Variants in KYNU observed in about 807,000 individuals in gnomAD.
KYNU encodes kynureninase.
A neutral mutation model predicts 59.2 loss-of-function variants in KYNU; 54 were observed. The observed-to-expected ratio is 0.91, with a 90% CI of 0.73 to 1.14. The LOEUF (loss-of-function observed/expected upper bound fraction) is 1.14. Among genes scored for constraint, KYNU ranks in the 50% most tolerant of loss-of-function variants. KYNU has a pLI of 0.00. For synonymous variants in KYNU, 177 were observed against 192.0 expected, an observed-to-expected ratio of 0.92 and a Z score of 0.65; for missense variants, 567 against 554.4, an observed-to-expected ratio of 1.02 and a Z score of -0.23.
chr2:142,888,577 A>G (rs1268744824), intron 2 of KYNU, among the ~76,000 whole-genome samples: 1 of 152,152 alleles, frequency 6.6e-6, no homozygotes, highest in Non-Finnish European at 1.5e-5. Flanking sequence ...GAGGTTCACT[A>G]GAGATCTTAT....
At chr2:143,003,538 C>T (rs551896956) in intron 10 of KYNU, among the ~76,000 whole-genome samples, 5 of 152,266 alleles carry the variant, frequency 3.3e-5, no homozygotes, top group South Asian at 2.1e-4. Flanking sequence ...GCTGAGATCA[C>T]GCCACTGCAC....
chr2:142,937,956 C>A (rs760468676), intron 4 of KYNU, among the ~76,000 whole-genome samples: 1 of 152,170 alleles, frequency 6.6e-6, no homozygotes, highest in East Asian at 1.9e-4. Context: ...GTAACTATCA[C>A]CATCATAAAT....
intron 10 of KYNU, among the ~76,000 whole-genome samples, chr2:143,006,364 G>A (rs1241865350): frequency 2.0e-5 from 3 of 151,808 alleles, no homozygotes; most frequent in Non-Finnish European, 2.9e-5. Flanking sequence ...AAAAAACGGC[G>A]CACCACGAGA....
chr2:142,907,263 G>A (rs1356790603), intron 2 of KYNU, among the ~76,000 whole-genome samples: 1 of 152,202 alleles, frequency 6.6e-6, no homozygotes, highest in East Asian at 1.9e-4. Flanking sequence ...TCCAAGGAAT[G>A]GAAACTTGGG....
At chr2:143,033,191 T>C (rs1304789671) in intron 11 of KYNU, 45 bp from the exon 12 acceptor site, 2 of 1,367,092 alleles carry the variant, frequency 1.5e-6, no homozygotes, top group Non-Finnish European at 2.1e-6. Flanking sequence ...TATGGACACT[T>C]TTAAAGTTAC....
chr2:142,932,551 T>G (rs1015069814), intron 4 of KYNU, among the ~76,000 whole-genome samples: 1 of 152,200 alleles, frequency 6.6e-6, no homozygotes, highest in Admixed American at 6.5e-5. Flanking sequence ...GAGCCATTTA[T>G]GACAGGAGTG....
At chr2:142,988,940 G>T in intron 10 of KYNU, 1 of 1,482,530 alleles carries the variant, frequency 6.7e-7, no homozygotes, top group Non-Finnish European at 9.4e-7. Flanking sequence ...TCCCTGATAG[G>T]AAAAGAAATG....
intron 10 of KYNU, among the ~76,000 whole-genome samples, chr2:143,006,336 C>T (rs911069905): frequency 7.2e-5 from 11 of 151,856 alleles, no homozygotes; most frequent in East Asian, 1.9e-4. Flanking sequence ...CCGAATACTG[C>T]GCTTTTCTGA....
intron 10 of KYNU, among the ~76,000 whole-genome samples, chr2:143,017,635 A>G (rs1319411657): frequency 6.6e-6 from 1 of 151,422 alleles, no homozygotes; most frequent in East Asian, 1.9e-4. Flanking sequence ...ACATGGTTTC[A>G]CCATGTTGGC....
In KYNU at chr2:142,927,734, C is replaced by A; in HGVS notation, c.366C>A (p.Asp122Glu). Reference protein sequence around the residue: ...GDESIVGLMKDIVGANEKEIA... With the variant: ...GDESIVGLMKEIVGANEKEIA... ...AGAGTATTGTAGGCCTTATGAAGGA[C>A]ATTGTAGGTAAGTACAAAACACTGA... Residue 122 changes from aspartate to glutamate, a missense_variant, in exon 4 of 14, where the codon GAC (aspartate) becomes GAA (glutamate). Coordinates refer to ENST00000264170, the MANE Select transcript of KYNU (RefSeq NM_003937.3). 1 of 1,607,366 alleles carries A rather than the reference C, an allele frequency of 6.2e-7. No individual in the cohort carries two copies. Among genetic ancestry groups the A allele is most frequent in the East Asian group, 2.2e-5 (1 of 44,748 alleles).
At chr2:143,032,127 A>T (rs1473130209) in intron 11 of KYNU, among the ~76,000 whole-genome samples, 2 of 151,942 alleles carry the variant, frequency 1.3e-5, no homozygotes. Context: ...AATACAAAAA[A>T]ATTAGCTGGG....
At chr2:142,910,548 C>CAGCTTGGGGGGT (rs1682448985) in intron 2 of KYNU, among the ~76,000 whole-genome samples, 2 of 152,052 alleles carry the variant, frequency 1.3e-5, no homozygotes, top group African/African-American at 4.8e-5. Context: ...CTGATAGTTT[C>CAGCTTGGGGGGT]TTTTGCTGTG....
rs1684219717 is a variant in KYNU at position 142,957,791 on chromosome 2, A to G, written c.582+76A>G. ...TTTTCTTCATTTTCCTCAAAAGTTT[A>G]TTAAAATCTTCATTACTTTAATGGA... On this transcript the variant is annotated intron_variant, in intron 7 of 13. Transcript: ENST00000264170. 3.2e-6 allele frequency: 3 copies of G among 927,134 alleles called. No homozygotes were observed. The Admixed American group carries it at 5.5e-5, about 17-fold the overall frequency. 57.4% of individuals were successfully genotyped at this position (927,134 alleles called of 1,614,324 possible).
At chr2:142,995,792 G>A (rs555812978) in intron 10 of KYNU, among the ~76,000 whole-genome samples, 7 of 152,040 alleles carry the variant, frequency 4.6e-5, no homozygotes, top group East Asian at 1.9e-4. Context: ...TTTTCCTACC[G>A]CTATGCTGAT....
At chr2:143,038,237 T>C (rs1225585844) in intron 12 of KYNU, among the ~76,000 whole-genome samples, 1 of 152,180 alleles carries the variant, frequency 6.6e-6, no homozygotes, top group Non-Finnish European at 1.5e-5. Flanking sequence ...AATTATTTAT[T>C]ATTTAGAATT....
rs779376309 is a variant in KYNU at position 142,927,686 on chromosome 2, G to A, written c.318G>A (p.Lys106=). 6.2e-6 allele frequency: 10 copies of A among 1,613,310 alleles called. No homozygotes were observed. In the East Asian group the frequency reaches 2.2e-4, roughly 36 times the overall value. Residue 106 remains lysine, a synonymous_variant, in exon 4 of 14, where the codon AAG becomes AAA. Transcript: ENST00000264170. ...CAGCCTATGGTCATGAAGTGGGGAA[G>A]CGTCCTTGGATTACAGGAGATGAGA... ...KIAAYGHEVG[K]RPWITGDESI... is the part of the protein sequence containing the mutation.
At chr2:142,932,447 C>T (rs1382534743) in intron 4 of KYNU, among the ~76,000 whole-genome samples, 8 of 151,876 alleles carry the variant, frequency 5.3e-5, no homozygotes, top group Admixed American at 2.6e-4. Flanking sequence ...CATTTCCAGC[C>T]GATATGTGAT....
chr2:142,980,400 G>A (rs1472869487), intron 8 of KYNU, among the ~76,000 whole-genome samples: 1 of 152,006 alleles, frequency 6.6e-6, no homozygotes, highest in Non-Finnish European at 1.5e-5. Context: ...ATCTCATCCT[G>A]TGACTTAGAA....
chr2:142,952,469 G>T (rs915937049), intron 4 of KYNU, among the ~76,000 whole-genome samples: 25 of 151,874 alleles, frequency 1.6e-4, no homozygotes, highest in African/African-American at 5.3e-4. Context: ...TTAGATGCAG[G>T]TTCCACTCTG....
Sources: gnomAD v4.1 joint callset for allele counts (sites outside exome capture counted in the v4.1 genomes callset) on GRCh38, gnomAD v4.1.1 for gene constraint, MANE v1.5 for transcripts, NCBI Gene and HGNC (gene_info 2026-07-23, HGNC 2026-07-21) for gene names.